PAG1: variants seen among roughly 807,000 people sequenced by gnomAD.
PAG1 encodes the protein phosphoprotein associated with glycosphingolipid-enriched microdomains 1.
A neutral mutation model predicts 31.7 loss-of-function variants in PAG1; 23 were observed. That is an observed-to-expected ratio of 0.73 (90% CI 0.52 to 1.03). PAG1 has a LOEUF of 1.03. Among genes scored for constraint, PAG1 ranks in the 50% least tolerant of loss-of-function variants. The pLI, the probability that PAG1 is intolerant of heterozygous loss-of-function variation, is 0.00. For missense variants in PAG1, 473 were observed against 540.7 expected (o/e 0.87, Z 1.24); for synonymous variants, 214 against 210.3 (o/e 1.02, Z -0.15).
chr8:81,055,287 C>A (rs991215340), intron 2 of PAG1, among the ~76,000 whole-genome samples: 6 of 151,858 alleles, frequency 4.0e-5, no homozygotes, highest in Non-Finnish European at 8.8e-5. Flanking sequence ...ATGGCAGTGC[C>A]ATTAACTGGG....
intron 2 of PAG1, among the ~76,000 whole-genome samples, chr8:81,032,277 C>A (rs1452723688): frequency 6.6e-6 from 1 of 151,942 alleles, no homozygotes; most frequent in East Asian, 1.9e-4. Flanking sequence ...GAAAAGACAA[C>A]CCAAAGAATG....
At chr8:81,019,770 A>G (rs1808130853) in intron 3 of PAG1, among the ~76,000 whole-genome samples, 1 of 152,208 alleles carries the variant, frequency 6.6e-6, no homozygotes, top group Non-Finnish European at 1.5e-5. Flanking sequence ...CAGAGTTCCC[A>G]CTGGGGCACT....
chr8:81,021,785 T>C (rs942325461), intron 3 of PAG1, among the ~76,000 whole-genome samples: 9 of 152,130 alleles, frequency 5.9e-5, no homozygotes, highest in African/African-American at 2.2e-4. Flanking sequence ...AAACAGAGTT[T>C]CTGATTCCAG....
At position 81,030,033 on chromosome 8, in the gene PAG1, T is replaced by C. The variant is rs1204806298; in HGVS notation, c.-118A>G. 6.6e-6 allele frequency: 1 copy of C among 152,270 alleles called. No homozygotes were observed. Among genetic ancestry groups the C allele is most frequent in the Non-Finnish European group, 1.5e-5 (1 of 68,048 alleles). The allele number at this position is 152,270 out of a possible 1,614,324, so 9.4% of individuals were successfully genotyped here. A position where few individuals can be genotyped will look rare whatever the true frequency, so the allele number is the denominator to read the frequency against. On this transcript the variant is annotated 5_prime_UTR_variant, in exon 3 of 9. Coordinates refer to ENST00000220597, the MANE Select transcript of PAG1 (RefSeq NM_018440.4). ...GTTTGTCCAGTAGAGTATTCCAAGT[T>C]CTGGCAATGTATTCCCTTTGAAATG...
chr8:81,001,835 G>A (rs547295724), intron 3 of PAG1, among the ~76,000 whole-genome samples: 66 of 152,230 alleles, frequency 4.3e-4, no homozygotes, highest in Non-Finnish European at 5.3e-4. Context: ...TGCCCAGCAT[G>A]CTCTCAGCCC....
chr8:81,011,915 C>T (rs930993749), intron 3 of PAG1, among the ~76,000 whole-genome samples: 1 of 152,156 alleles, frequency 6.6e-6, no homozygotes, highest in Non-Finnish European at 1.5e-5. Flanking sequence ...CAATTTCCAG[C>T]AGAAGGCAGC....
chr8:81,093,943 C>A (rs1476811235), intron 1 of PAG1, among the ~76,000 whole-genome samples: 1 of 152,068 alleles, frequency 6.6e-6, no homozygotes, highest in Non-Finnish European at 1.5e-5. Context: ...AGGTATAGCC[C>A]CTCCATCACT....
At chr8:81,084,555 T>C (rs1335270018) in intron 1 of PAG1, among the ~76,000 whole-genome samples, 3 of 152,190 alleles carry the variant, frequency 2.0e-5, no homozygotes, top group Non-Finnish European at 2.9e-5. Flanking sequence ...GAAGGGACTT[T>C]TTCTATGTGG....
intron 3 of PAG1, among the ~76,000 whole-genome samples, chr8:80,996,364 C>A (rs746627248): frequency 6.6e-6 from 1 of 152,196 alleles, no homozygotes; most frequent in Non-Finnish European, 1.5e-5. Context: ...AGCAGACGTC[C>A]TTGGTGGACG....
At chr8:80,986,366 G>A (rs1807421845) in intron 6 of PAG1, among the ~76,000 whole-genome samples, 1 of 152,112 alleles carries the variant, frequency 6.6e-6, no homozygotes, top group African/African-American at 2.4e-5. Context: ...TTACCCCACA[G>A]TTTCCTCATC....
chr8:80,979,312 A>C (rs1251769725), intron 8 of PAG1, among the ~76,000 whole-genome samples: 2 of 152,192 alleles, frequency 1.3e-5, no homozygotes, highest in Non-Finnish European at 2.9e-5. Context: ...AGGGAGGCCA[A>C]GGAGCTGCCA....
At chr8:81,025,545 C>G (rs978100977) in intron 3 of PAG1, among the ~76,000 whole-genome samples, 25 of 152,164 alleles carry the variant, frequency 1.6e-4, no homozygotes, top group African/African-American at 5.3e-4. Context: ...AGCGGCTGCT[C>G]TCCACACTGG....
Position 80,971,801 on chromosome 8 carries a change from G to T in PAG1, c.*4743C>A, listed in dbSNP as rs1030644740. 3 of 152,062 alleles carry T rather than the reference G, an allele frequency of 2.0e-5. No homozygotes were observed. The highest frequency in any genetic ancestry group is 6.5e-5 in the Admixed American group (1 of 15,276). 9.4% of individuals were successfully genotyped at this position (152,062 alleles called of 1,614,324 possible). ...AATGACATACTTCACAAATAGTAGAGACTAGATGTAAACACAGACCTAAAA... is the reference window on the plus strand; with the variant it reads ...AATGACATACTTCACAAATAGTAGATACTAGATGTAAACACAGACCTAAAA... On this transcript the variant is annotated 3_prime_UTR_variant, in exon 9 of 9. Transcript: ENST00000220597.
intron 3 of PAG1, among the ~76,000 whole-genome samples, chr8:80,994,890 C>T (rs1430491850): frequency 1.3e-5 from 2 of 152,130 alleles, no homozygotes; most frequent in East Asian, 3.8e-4. Context: ...TAAGCAAATA[C>T]TTTGGTTTTT....
chr8:81,052,758 G>T (rs1808754239), intron 2 of PAG1, among the ~76,000 whole-genome samples: 2 of 152,198 alleles, frequency 1.3e-5, no homozygotes, highest in Non-Finnish European at 2.9e-5. Flanking sequence ...AAAAGCTAAT[G>T]TCTTTGCTCA....
rs533806900 is a variant in PAG1, at chr8:80,993,042, C to G, written c.125+61G>C. Reference sequence around the variant, plus strand: ...ATTCCTAACAGGCTTTCCACAGAAACTCTTCTGGGTACAGGGGATGTATTA... The same window carrying G: ...ATTCCTAACAGGCTTTCCACAGAAAGTCTTCTGGGTACAGGGGATGTATTA... On this transcript the variant is annotated intron_variant, in intron 4 of 8. Coordinates refer to ENST00000220597, the MANE Select transcript of PAG1 (RefSeq NM_018440.4). The G allele has an allele frequency of 4.8e-6, 7 of 1,444,812 alleles. No homozygotes were observed. In the East Asian group the frequency reaches 1.7e-4, roughly 36 times the overall value. The allele number at this position is 1,444,812 out of a possible 1,614,324, so 89.5% of individuals were successfully genotyped here.
chr8:81,060,744 AG>A (rs1808904200), intron 2 of PAG1, among the ~76,000 whole-genome samples: 1 of 152,250 alleles, frequency 6.6e-6, no homozygotes, highest in Non-Finnish European at 1.5e-5. Flanking sequence ...AATGTATAAG[AG>A]GTCACTACTT....
At chr8:81,087,251 G>A (rs551873007) in intron 1 of PAG1, among the ~76,000 whole-genome samples, 202 of 151,550 alleles carry the variant, frequency 1.3e-3, no homozygotes, top group Admixed American at 3.1e-3. Flanking sequence ...GCTGAGGCAG[G>A]AGAATCGCTT....
chr8:81,061,143 G>A (rs1808911171), intron 2 of PAG1, among the ~76,000 whole-genome samples: 2 of 152,192 alleles, frequency 1.3e-5, no homozygotes. Context: ...TGGGCTGGAA[G>A]TCGGGGGATG....
Sources: gnomAD v4.1 joint callset for allele counts (sites outside exome capture counted in the v4.1 genomes callset) on GRCh38, gnomAD v4.1.1 for gene constraint, MANE v1.5 for transcripts, NCBI Gene and HGNC (gene_info 2026-07-23, HGNC 2026-07-21) for gene names.